EYA3: variants seen among roughly 807,000 people sequenced by gnomAD.
EYA3 encodes protein phosphatase EYA3.
In EYA3, 39 loss-of-function variants were observed where a neutral mutation model predicts 80.0. The ratio of observed to expected loss-of-function variants is 0.49; its 90% CI spans 0.38 to 0.64. The LOEUF (loss-of-function observed/expected upper bound fraction) is 0.64. Ranked by LOEUF, EYA3 falls within the 30% of genes least tolerant of loss-of-function variation. The probability of loss-of-function intolerance (pLI) is 0.00; values close to 1 mark genes in which losing one functional copy is unlikely to be tolerated. For missense variants in EYA3, 523 were observed against 676.1 expected (o/e 0.77, Z 2.51); for synonymous variants, 206 against 232.8 (o/e 0.88, Z 1.05).
chr1:28,020,631 T>A (rs36197101), intron 7 of EYA3, among the ~76,000 whole-genome samples: 3 of 150,484 alleles, frequency 2.0e-5, no homozygotes, highest in Admixed American at 1.3e-4. Context: ...CAGCTATGAC[T>A]AAAAAGCCAG....
chr1:28,017,035 A>T (rs952929186), intron 8 of EYA3, 119 bp downstream of exon 8: 9 of 760,948 alleles, frequency 1.2e-5, no homozygotes, highest in Non-Finnish European at 1.9e-5. Context: ...TCCAGAAAAA[A>T]GTCTCCACAG....
intron 10 of EYA3, among the ~76,000 whole-genome samples, chr1:28,008,234 T>G (rs975615534): frequency 1.3e-5 from 2 of 151,998 alleles, no homozygotes; most frequent in African/African-American, 4.8e-5. Context: ...AAACTGGATA[T>G]CCATATGCAA....
At chr1:28,087,531 T>C (rs2148971464) in intron 1 of EYA3, among the ~76,000 whole-genome samples, 1 of 152,338 alleles carries the variant, frequency 6.6e-6, no homozygotes, top group East Asian at 1.9e-4. Flanking sequence ...TAGTGAACTC[T>C]TCAGCAGACC....
intron 10 of EYA3, among the ~76,000 whole-genome samples, chr1:28,007,279 G>A (rs1008459038): frequency 1.3e-5 from 2 of 150,994 alleles, no homozygotes; most frequent in African/African-American, 4.9e-5. Context: ...ATAACCCAGA[G>A]AAAATTGTTA....
intron 1 of EYA3, among the ~76,000 whole-genome samples, chr1:28,077,885 C>T (rs993467728): frequency 6.6e-6 from 1 of 152,116 alleles, no homozygotes; most frequent in Non-Finnish European, 1.5e-5. Flanking sequence ...ATCTATACAT[C>T]AGTCCTATAT....
intron 7 of EYA3, among the ~76,000 whole-genome samples, chr1:28,019,815 C>T (rs1642310430): frequency 1.3e-5 from 2 of 152,096 alleles, no homozygotes; most frequent in South Asian, 2.1e-4. Context: ...ATCCTCCTGC[C>T]TCAGTTTCCC....
In EYA3 at chr1:28,013,929, G is replaced by A. The variant is rs1312026870; in HGVS notation, c.586-635C>T. On this transcript the variant is annotated intron_variant, in intron 8 of 17. Transcript: ENST00000373871. The surrounding 1 kb of genome is among the most constrained non-coding windows in gnomAD (Gnocchi z 4.0). ...AATACAAAAATTAGCCTGGCGTGGT[G>A]GCACATGCCTGAAATCCCAGCTACT... 6.6e-6 allele frequency among the ~76,000 whole-genome samples: 1 copy of A among 152,114 alleles called. No individual in the cohort carries two copies. Among genetic ancestry groups the A allele is most frequent in the African/African-American group, 2.4e-5 (1 of 41,430 alleles).
At chr1:28,010,880 A>G (rs1381451358) in intron 10 of EYA3, 67 bp downstream of exon 10, 3 of 1,551,122 alleles carry the variant, frequency 1.9e-6, no homozygotes, top group Non-Finnish European at 2.6e-6. Context: ...AGCTTCAAAA[A>G]CATGTTTGAT....
chr1:28,033,888 G>A (rs963767529), intron 6 of EYA3, among the ~76,000 whole-genome samples: 2 of 150,788 alleles, frequency 1.3e-5, no homozygotes, highest in East Asian at 2.0e-4. Context: ...TCGAACTCCC[G>A]GCCTCAAGAG....
At chr1:28,052,295 C>T (rs1281073946) in intron 2 of EYA3, among the ~76,000 whole-genome samples, 3 of 152,088 alleles carry the variant, frequency 2.0e-5, no homozygotes, top group East Asian at 1.9e-4. Context: ...TGAGCCACTG[C>T]GCCCAGCCCC....
intron 7 of EYA3, among the ~76,000 whole-genome samples, chr1:28,024,163 C>A (rs1185993821): frequency 6.6e-6 from 1 of 152,042 alleles, no homozygotes; most frequent in Admixed American, 6.6e-5. Context: ...CGCTTAAACT[C>A]GGGAGGTGGA....
chr1:27,973,300 A>G lies in EYA3; in HGVS notation c.*1166T>C, dbSNP rs1350727971. 6.6e-6 allele frequency: 1 copy of G among 152,182 alleles called. No homozygotes were observed. Among genetic ancestry groups the G allele is most frequent in the African/African-American group, 2.4e-5 (1 of 41,436 alleles). The allele number at this position is 152,182 out of a possible 1,614,324, so 9.4% of individuals were successfully genotyped here. A position where few individuals can be genotyped will look rare whatever the true frequency, so the allele number is the denominator to read the frequency against. On this transcript the variant is annotated 3_prime_UTR_variant, in exon 18 of 18. Transcript: ENST00000373871. The stretch of plus-strand genomic sequence containing the variant: ...AGATTTGATTTGAATTCTTGGGTCT[A>G]ATACCCGGGGACTGGCCAGAGCTGC...
intron 1 of EYA3, among the ~76,000 whole-genome samples, chr1:28,071,070 C>T (rs1307972723): frequency 6.6e-6 from 1 of 152,138 alleles, no homozygotes; most frequent in African/African-American, 2.4e-5. Flanking sequence ...TTACAGGCGC[C>T]TACCACCACG....
chr1:28,042,472 T>C (rs1643838585), intron 4 of EYA3, 99 bp downstream of exon 4: 1 of 974,342 alleles, frequency 1.0e-6, no homozygotes, highest in Non-Finnish European at 1.6e-6. Flanking sequence ...TCAGGATATT[T>C]TGGGACAAAC....
intron 6 of EYA3, among the ~76,000 whole-genome samples, chr1:28,031,379 G>C (rs1643129193): frequency 6.6e-6 from 1 of 152,226 alleles, no homozygotes; most frequent in South Asian, 2.1e-4. Context: ...CCTAATTACA[G>C]GACTCCCAGT....
At chr1:27,988,427 G>C (rs1280653986) in intron 16 of EYA3, 108 bp downstream of exon 16, 17 of 1,203,456 alleles carry the variant, frequency 1.4e-5, no homozygotes, top group Non-Finnish European at 2.0e-5. Context: ...AGGACTGTAG[G>C]TATTACAAAT....
chr1:28,041,866 A>G (rs1643801979), intron 4 of EYA3, among the ~76,000 whole-genome samples: 1 of 152,196 alleles, frequency 6.6e-6, no homozygotes, highest in Non-Finnish European at 1.5e-5. Context: ...AGAATACTCA[A>G]CTTACTTCCT....
At chr1:27,996,897 T>C (rs542347648) in intron 13 of EYA3, among the ~76,000 whole-genome samples, 1 of 152,330 alleles carries the variant, frequency 6.6e-6, no homozygotes, top group South Asian at 2.1e-4. Context: ...TGTGGAAGAC[T>C]ACCTTACAGA....
intron 2 of EYA3, among the ~76,000 whole-genome samples, chr1:28,055,213 G>A (rs1360475264): frequency 6.6e-6 from 1 of 152,198 alleles, no homozygotes; most frequent in African/African-American, 2.4e-5. Context: ...TGTGTAAACT[G>A]TAGTGTGAGG....
Sources: allele counts gnomAD v4.1 joint callset (sites outside exome capture counted in the v4.1 genomes callset), GRCh38; gene constraint gnomAD v4.1.1; non-coding constraint Gnocchi (gnomAD v3.1); transcripts MANE v1.5; gene names NCBI Gene and HGNC (gene_info 2026-07-23, HGNC 2026-07-21).